SDK2: variants seen among roughly 807,000 people sequenced by gnomAD.
The protein encoded by SDK2 is sidekick cell adhesion molecule 2, also known as protein sidekick-2.
SDK2 carries 105 observed loss-of-function variants against 253.9 expected under a neutral mutation model. The ratio of observed to expected loss-of-function variants is 0.41; its 90% CI spans 0.35 to 0.49. The LOEUF (loss-of-function observed/expected upper bound fraction) is 0.49, where lower values mean the gene tolerates loss of function less well. Among genes scored for constraint, SDK2 ranks in the 20% least tolerant of loss-of-function variants. The pLI is 0.06. For synonymous variants in SDK2, 1,249 were observed against 1,234.9 expected (o/e 1.01, Z -0.24); for missense variants, 2,608 against 3,003.0 (o/e 0.87, Z 3.07).
At chr17:73,409,632 A>G (rs2063109045) in intron 18 of SDK2, among the ~76,000 whole-genome samples, 1 of 151,998 alleles carries the variant, frequency 6.6e-6, no homozygotes, top group African/African-American at 2.4e-5. Context: ...CTCCATCTCA[A>G]AAAAAAGGAA....
chr17:73,542,949 G>C (rs1453166021), intron 1 of SDK2, among the ~76,000 whole-genome samples: 1 of 152,176 alleles, frequency 6.6e-6, no homozygotes, highest in Non-Finnish European at 1.5e-5. Flanking sequence ...AGCGAGACTC[G>C]GATCTGGGGA....
At chr17:73,586,443 GC>G (rs2045604101) in intron 1 of SDK2, among the ~76,000 whole-genome samples, 1 of 152,112 alleles carries the variant, frequency 6.6e-6, no homozygotes, top group South Asian at 2.1e-4. Context: ...TTAATTAAAA[GC>G]AGCCTCTCCC....
chr17:73,471,622 A>G (rs1255962407), intron 3 of SDK2, among the ~76,000 whole-genome samples: 1 of 151,932 alleles, frequency 6.6e-6, no homozygotes, highest in African/African-American at 2.4e-5. Flanking sequence ...AACAAAATAA[A>G]AGTCATGGAG....
In SDK2 at chr17:73,431,202, T is replaced by C. The variant is rs1475720775; in HGVS notation, c.1480+300A>G. On this transcript the variant is annotated intron_variant, in intron 11 of 44. Coordinates refer to ENST00000392650, the MANE Select transcript of SDK2 (RefSeq NM_001144952.2). The surrounding 1 kb of genome is among the most constrained non-coding windows in gnomAD (Gnocchi z 5.6). The stretch of plus-strand genomic sequence containing the variant: ...CTTAAAATATTTATGATCTGGCCCT[T>C]TCTTGAAAATATTTGCCGATTTCTG... Among the ~76,000 whole-genome samples, 1 of 152,242 alleles carries C rather than the reference T, an allele frequency of 6.6e-6. No individual in the cohort carries two copies. Among genetic ancestry groups the C allele is most frequent in the East Asian group, 1.9e-4 (1 of 5,198 alleles).
chr17:73,556,990 ATTC>A (rs1489008658), intron 1 of SDK2, among the ~76,000 whole-genome samples: 1 of 152,228 alleles, frequency 6.6e-6, no homozygotes, highest in Non-Finnish European at 1.5e-5. Flanking sequence ...AGCAAATTTC[ATTC>A]TTCTAAGCTA....
chr17:73,513,769 G>C (rs2064000491), intron 1 of SDK2: 1 of 152,230 alleles, frequency 6.6e-6, no homozygotes, highest in South Asian at 2.1e-4. Flanking sequence ...GACGGCGCCT[G>C]AGCGATCTTT....
chr17:73,572,476 CCCTT>C (rs780660771), intron 1 of SDK2, among the ~76,000 whole-genome samples: 1 of 152,042 alleles, frequency 6.6e-6, no homozygotes, highest in Non-Finnish European at 1.5e-5. Flanking sequence ...GCCCTGCCCT[CCCTT>C]CCTCTCATGC....
In SDK2 at chr17:73,498,467, G is replaced by A. The variant is rs552619730; in HGVS notation, c.224+8971C>T. Among the ~76,000 whole-genome samples the A allele has an allele frequency of 8.5e-5, 13 of 152,306 alleles. No individual in the cohort carries two copies. In the East Asian group the frequency reaches 2.1e-3, roughly 25 times the overall value. On this transcript the variant is annotated intron_variant, in intron 2 of 44. Coordinates refer to ENST00000392650, the MANE Select transcript of SDK2 (RefSeq NM_001144952.2). The stretch of plus-strand genomic sequence containing the variant: ...CAGGCGGGGCTGGCACTGCCTTTCC[G>A]ATTGTCCTCCTTGCCTAGCTCTGTG...
chr17:73,577,770 C>A (rs1022368725), intron 1 of SDK2, among the ~76,000 whole-genome samples: 1 of 152,190 alleles, frequency 6.6e-6, no homozygotes, highest in African/African-American at 2.4e-5. Flanking sequence ...TGTCTGTGGT[C>A]AGCAGAATGA....
intron 1 of SDK2, among the ~76,000 whole-genome samples, chr17:73,641,575 C>T (rs1195203786): frequency 6.6e-6 from 1 of 152,058 alleles, no homozygotes; most frequent in Non-Finnish European, 1.5e-5. Context: ...CGCTCAGGTC[C>T]AGCACCCACC....
rs140602769 is a variant in SDK2 at position 73,621,375 on chromosome 17, G to C, written c.64+22650C>G. On this transcript the variant is annotated intron_variant, in intron 1 of 44. Coordinates refer to ENST00000392650, the MANE Select transcript of SDK2 (RefSeq NM_001144952.2). The stretch of plus-strand genomic sequence containing the variant: ...GAATCTAGATTCTCTCTGACTTATT[G>C]CAATGCCCAAGATATATTCAAAATT... Among the ~76,000 whole-genome samples the C allele has an allele frequency of 2.0e-3, 301 of 152,254 alleles. 3 individuals are homozygous for C. Among genetic ancestry groups the C allele is most frequent in the African/African-American group, 7.0e-3 (289 of 41,548 alleles).
chr17:73,411,986 G>GTATA (rs71157010), intron 18 of SDK2, among the ~76,000 whole-genome samples: 23,985 of 131,782 alleles, frequency 0.18, 2,534 homozygotes, highest in African/African-American at 0.23. Flanking sequence ...ATATATCTAC[G>GTATA]TATATATATA....
chr17:73,408,608 T>C (rs1245093967), intron 18 of SDK2, among the ~76,000 whole-genome samples: 1 of 152,174 alleles, frequency 6.6e-6, no homozygotes, highest in Non-Finnish European at 1.5e-5. Flanking sequence ...ACTATATTGT[T>C]TGGAGGAATG....
intron 1 of SDK2, among the ~76,000 whole-genome samples, chr17:73,607,985 G>A (rs1029809478): frequency 3.9e-5 from 6 of 151,980 alleles, no homozygotes; most frequent in African/African-American, 1.5e-4. Flanking sequence ...GCACACTACG[G>A]TACATTTGTC....
In SDK2 at chr17:73,639,105, T is replaced by C. The variant is rs12602678; in HGVS notation, c.64+4920A>G. On this transcript the variant is annotated intron_variant, in intron 1 of 44. Coordinates refer to ENST00000392650, the MANE Select transcript of SDK2 (RefSeq NM_001144952.2). The surrounding 1 kb of genome is among the most constrained non-coding windows in gnomAD (Gnocchi z 4.3). ...GATTACAGGCGTGAGCCACTGTGCC[T>C]GGCTGGTAGACACAACTATTTTTAA... 0.33 allele frequency among the ~76,000 whole-genome samples: 50,842 copies of C among 152,074 alleles called. 8,541 individuals are homozygous for C. The highest frequency in any genetic ancestry group is 0.37 in the South Asian group (1,805 of 4,822).
chr17:73,561,632 T>C lies in SDK2; in HGVS notation c.65-54035A>G, dbSNP rs538412925. 5.9e-5 allele frequency among the ~76,000 whole-genome samples: 9 copies of C among 152,322 alleles called. No individual in the cohort carries two copies. In the East Asian group the frequency reaches 1.5e-3, roughly 26 times the overall value. On this transcript the variant is annotated intron_variant, in intron 1 of 44. Coordinates refer to ENST00000392650, the MANE Select transcript of SDK2 (RefSeq NM_001144952.2). ...GGCTGAGGTCTGGCCTCTGGTGGCC[T>C]CCAATGGCTACACGCCTAGGCCAGG...
intron 1 of SDK2, among the ~76,000 whole-genome samples, chr17:73,538,191 A>G (rs1478400360): frequency 6.6e-6 from 1 of 152,220 alleles, no homozygotes; most frequent in Non-Finnish European, 1.5e-5. Context: ...GACCTCCAGT[A>G]GGTGCCACGG....
intron 2 of SDK2, among the ~76,000 whole-genome samples, chr17:73,493,827 T>C (rs2063823707): frequency 6.6e-6 from 1 of 152,206 alleles, no homozygotes; most frequent in Non-Finnish European, 1.5e-5. Context: ...CAGGGTGCTT[T>C]TGAGAGACAG....
At chr17:73,591,345 C>T (rs1171203616) in intron 1 of SDK2, among the ~76,000 whole-genome samples, 3 of 152,304 alleles carry the variant, frequency 2.0e-5, no homozygotes, top group Non-Finnish European at 1.5e-5. Flanking sequence ...TTCAGCTTCT[C>T]GAACCTGGTG....
Sources: allele counts gnomAD v4.1 joint callset (sites outside exome capture counted in the v4.1 genomes callset), GRCh38; gene constraint gnomAD v4.1.1; non-coding constraint Gnocchi (gnomAD v3.1); transcripts MANE v1.5; gene names NCBI Gene and HGNC (gene_info 2026-07-23, HGNC 2026-07-21).